Variants in MGA observed in about 807,000 individuals in gnomAD.
MGA encodes the protein MAX dimerization protein MGA, also known as MAX gene-associated protein.
A neutral mutation model predicts 261.1 loss-of-function variants in MGA; 40 were observed. That is an observed-to-expected ratio of 0.15 (90% CI 0.12 to 0.20). The LOEUF is 0.20. Among genes scored for constraint, MGA ranks in the 10% least tolerant of loss-of-function variants. MGA has a pLI of 1.00. For missense variants in MGA, 3,397 were observed against 3,630.5 expected, an observed-to-expected ratio of 0.94 and a Z score of 1.65; for synonymous variants, 1,302 against 1,290.6, an observed-to-expected ratio of 1.01 and a Z score of -0.19.
intron 1 of MGA, among the ~76,000 whole-genome samples, chr15:41,660,934 C>G (rs528738274): frequency 6.6e-6 from 1 of 152,158 alleles, no homozygotes; most frequent in African/African-American, 2.4e-5. Flanking sequence ...GCCACGCTTA[C>G]GCGCTTTTCA....
intron 1 of MGA, among the ~76,000 whole-genome samples, chr15:41,650,087 A>G (rs183840352): frequency 1.8e-4 from 27 of 152,274 alleles, no homozygotes; most frequent in Admixed American, 8.5e-4. Context: ...TTATACTTCC[A>G]TTACACCCCA....
At chr15:41,736,140 A>G (rs1305578682) in intron 12 of MGA, 41 bp from the exon 13 acceptor site, 12 of 1,419,412 alleles carry the variant, frequency 8.5e-6, no homozygotes, top group Non-Finnish European at 1.1e-5. Context: ...ATGCAGAAAT[A>G]ATCTTTCAAC....
chr15:41,746,544 C>CAAAAAA (rs869061461), intron 15 of MGA, among the ~76,000 whole-genome samples: 2 of 61,858 alleles, frequency 3.2e-5, no homozygotes, highest in African/African-American at 6.1e-5. Context: ...GACTTCGTCT[C>CAAAAAA]AAAAAAAAAA....
intron 2 of MGA, among the ~76,000 whole-genome samples, chr15:41,681,358 C>T (rs1224084820): frequency 3.4e-5 from 5 of 148,284 alleles, no homozygotes; most frequent in Non-Finnish European, 4.5e-5. Flanking sequence ...ATATATGGGC[C>T]GTTTAGTTGT....
In MGA at chr15:41,766,697, G is replaced by C; in HGVS notation, c.8615G>C (p.Arg2872Thr). ...ATTAGTAAGGTTCCTCCTGGAAGCAGAGCAACTTTCCAGGTTGAGCACTTG... is the reference window on the plus strand; with the variant it reads ...ATTAGTAAGGTTCCTCCTGGAAGCACAGCAACTTTCCAGGTTGAGCACTTG... Residue 2872 changes from arginine (R) to threonine (T), a missense_variant, in exon 24 of 24, where the codon AGA (arginine) becomes ACA (threonine). Coordinates refer to ENST00000219905, the MANE Select transcript of MGA (RefSeq NM_001164273.2). 1 of 1,613,998 alleles carries C rather than the reference G, an allele frequency of 6.2e-7. No homozygotes were observed.
chr15:41,682,379 C>G (rs2058731100), intron 2 of MGA, among the ~76,000 whole-genome samples: 1 of 152,180 alleles, frequency 6.6e-6, no homozygotes, highest in Non-Finnish European at 1.5e-5. Context: ...CCAATCTGAT[C>G]TGGTTGTACT....
intron 22 of MGA, among the ~76,000 whole-genome samples, chr15:41,762,917 A>G (rs980794301): frequency 6.6e-6 from 1 of 152,116 alleles, no homozygotes; most frequent in Admixed American, 6.5e-5. Context: ...GTCTATAGTC[A>G]TGTATTTTTA....
chr15:41,621,517 G>C (rs1017027631), intron 1 of MGA: 2 of 152,232 alleles, frequency 1.3e-5, no homozygotes, highest in Non-Finnish European at 2.9e-5. Context: ...CTAGCCGGGT[G>C]GTCCAGCAGC....
intron 1 of MGA, among the ~76,000 whole-genome samples, chr15:41,663,258 C>T (rs1281832748): frequency 6.6e-6 from 1 of 151,844 alleles, no homozygotes; most frequent in Non-Finnish European, 1.5e-5. Flanking sequence ...TGAATTTTCC[C>T]CTCCACAACT....
chr15:41,732,627 CT>C (rs1445854999), intron 11 of MGA, among the ~76,000 whole-genome samples: 3 of 152,178 alleles, frequency 2.0e-5, no homozygotes, highest in Non-Finnish European at 4.4e-5. Context: ...TTTAAATGTG[CT>C]GTTTATCCTC....
chr15:41,646,669 C>T (rs985777585), intron 1 of MGA, among the ~76,000 whole-genome samples: 10 of 151,748 alleles, frequency 6.6e-5, no homozygotes, highest in East Asian at 3.9e-4. Context: ...AAGATCATGC[C>T]GCTGTACTCC....
chr15:41,711,370 G>A, intron 8 of MGA, 21 bp downstream of exon 8: 2 of 1,567,310 alleles, frequency 1.3e-6, no homozygotes, highest in Non-Finnish European at 1.7e-6. Context: ...GCTGTTTTCT[G>A]GAGGTATATT....
chr15:41,700,410 A>G (rs1449063886), intron 5 of MGA, among the ~76,000 whole-genome samples: 1 of 151,946 alleles, frequency 6.6e-6, no homozygotes, highest in African/African-American at 2.4e-5. Context: ...CCTCCCCACC[A>G]ACAGGCTCTG....
chr15:41,628,866 A>C (rs1031059921), intron 1 of MGA, among the ~76,000 whole-genome samples: 1 of 152,148 alleles, frequency 6.6e-6, no homozygotes, highest in Admixed American at 6.5e-5. Context: ...GAGGCCGGGC[A>C]CGGTGGCTCA....
At chr15:41,660,239 CAGCGGCTTCCACTCGGGG>C (rs1239006429), upstream of MGA, among the ~76,000 whole-genome samples, 1 of 152,208 alleles carries the variant, frequency 6.6e-6, no homozygotes, top group Non-Finnish European at 1.5e-5. Flanking sequence ...CCCGGAAAAG[CAGCGGCTTCCACTCGGGG>C]GGCGGGTCCC....
Position 41,696,200 on chromosome 15 carries a change from C to G in MGA, c.1190C>G (p.Pro397Arg). ...TATGACTACGAACTTGGTGAGTGCC[C>G]AGAAGGGGTCACTGTGAAACAGGAA... Residue 397 changes from proline (P) to arginine (R), a missense_variant, in exon 3 of 24, where the codon CCA (proline) becomes CGA (arginine). Physicochemically the swap from Pro to Arg is moderately radical, Grantham distance 103. Transcript: ENST00000219905. 1 of 1,613,796 alleles carries G rather than the reference C, an allele frequency of 6.2e-7. No homozygotes were observed. Among genetic ancestry groups the G allele is most frequent in the East Asian group, 2.2e-5 (1 of 44,874 alleles).
At chr15:41,670,027 A>G in intron 2 of MGA, 69 bp downstream of exon 2, 3 of 1,280,526 alleles carry the variant, frequency 2.3e-6, no homozygotes, top group East Asian at 4.8e-5. Flanking sequence ...TGGATTTAAC[A>G]TCTTGGTTCT....
intron 1 of MGA, among the ~76,000 whole-genome samples, chr15:41,653,625 T>C (rs2150736535): frequency 6.6e-6 from 1 of 151,422 alleles, no homozygotes; most frequent in African/African-American, 2.4e-5. Context: ...GGAGCATCAC[T>C]TGAGCCCAGG....
intron 1 of MGA, among the ~76,000 whole-genome samples, chr15:41,637,800 A>C (rs1049424394): frequency 6.6e-6 from 1 of 151,888 alleles, no homozygotes; most frequent in African/African-American, 2.4e-5. Flanking sequence ...GCTGGAGTGC[A>C]ATGGCGTGAT....
Sources: allele counts gnomAD v4.1 joint callset (sites outside exome capture counted in the v4.1 genomes callset), GRCh38; gene constraint gnomAD v4.1.1; transcripts MANE v1.5; gene names NCBI Gene and HGNC (gene_info 2026-07-23, HGNC 2026-07-21).